Variants in BCAS3 observed in about 807,000 individuals in gnomAD.
The protein encoded by BCAS3 is BCAS3 microtubule associated cell migration factor.
In BCAS3, 53 loss-of-function variants were observed where a neutral mutation model predicts 116.1. The observed-to-expected ratio is 0.46, with a 90% CI of 0.37 to 0.57. BCAS3 has a LOEUF of 0.57. BCAS3 is among the 20% of genes least tolerant of loss of function. The pLI is 0.00. For missense variants in BCAS3, 917 were observed against 1,165.4 expected (o/e 0.79, Z 3.10); for synonymous variants, 391 against 408.2 (o/e 0.96, Z 0.51).
At chr17:60,773,390 C>A (rs1004495313) in intron 6 of BCAS3, among the ~76,000 whole-genome samples, 1 of 149,286 alleles carries the variant, frequency 6.7e-6, no homozygotes, top group African/African-American at 2.5e-5. Context: ...CTCCCAGGCT[C>A]GGGCAGTCCT....
At chr17:61,263,712 C>T (rs2049422494) in intron 22 of BCAS3, among the ~76,000 whole-genome samples, 2 of 152,148 alleles carry the variant, frequency 1.3e-5, no homozygotes, top group African/African-American at 4.8e-5. Flanking sequence ...CAATTTCTTT[C>T]CTGCCAGATA....
At chr17:60,696,717 C>CT (rs1209544777) in intron 4 of BCAS3, 1 of 152,256 alleles carries the variant, frequency 6.6e-6, no homozygotes, top group Non-Finnish European at 1.5e-5. Flanking sequence ...GCCTCAAACT[C>CT]TGATTTCTTT....
At position 61,208,417 on chromosome 17, in the gene BCAS3, C is replaced by T. The variant is rs2081270692; in HGVS notation, c.2425+123853C>T. ...ATTATTAATGATTAATCTTGAAGCA[C>T]CGAAGAAATGAAATGTGCTAGTAAG... On this transcript the variant is annotated intron_variant, in intron 22 of 23. Coordinates refer to ENST00000407086, the MANE Select transcript of BCAS3 (RefSeq NM_017679.5). The surrounding 1 kb of genome is among the most constrained non-coding windows in gnomAD (Gnocchi z 4.5). Among the ~76,000 whole-genome samples, 1 of 152,102 alleles carries T rather than the reference C, an allele frequency of 6.6e-6. No homozygotes were observed. Among genetic ancestry groups the T allele is most frequent in the Admixed American group, 6.5e-5 (1 of 15,274 alleles).
chr17:61,231,653 G>C (rs1441697447), intron 22 of BCAS3, among the ~76,000 whole-genome samples: 2 of 152,052 alleles, frequency 1.3e-5, no homozygotes, highest in African/African-American at 4.8e-5. Flanking sequence ...GAGGCAGGAA[G>C]ACAGCTTGAG....
At chr17:60,790,982 T>C (rs1277443762) in intron 6 of BCAS3, among the ~76,000 whole-genome samples, 1 of 152,122 alleles carries the variant, frequency 6.6e-6, no homozygotes, top group Admixed American at 6.5e-5. Flanking sequence ...CCTCAGGTGA[T>C]CCACCTGCCT....
chr17:60,958,874 T>G (rs2061275470), intron 14 of BCAS3, among the ~76,000 whole-genome samples: 1 of 152,184 alleles, frequency 6.6e-6, no homozygotes, highest in South Asian at 2.1e-4. Context: ...GGTGCAAAGA[T>G]ACAAAGTGGA....
intron 9 of BCAS3, among the ~76,000 whole-genome samples, chr17:60,889,118 C>T (rs1599460960): frequency 1.3e-5 from 2 of 152,198 alleles, no homozygotes; most frequent in African/African-American, 2.4e-5. Flanking sequence ...TTGGCTAGAA[C>T]TGCAAGCAAG....
intron 7 of BCAS3, chr17:60,811,494 C>A (rs1598877835): frequency 1.3e-5 from 6 of 454,314 alleles, no homozygotes; most frequent in South Asian, 1.9e-5. Flanking sequence ...TTTGGGGAGC[C>A]AGGAGGCCAA....
intron 22 of BCAS3, among the ~76,000 whole-genome samples, chr17:61,113,008 A>G (rs906034218): frequency 1.2e-5 from 1 of 84,774 alleles, no homozygotes; most frequent in African/African-American, 3.0e-5. Flanking sequence ...AACGAAATGA[A>G]GGCAGAAATA....
At chr17:61,184,968 G>C (rs994117222) in intron 22 of BCAS3, among the ~76,000 whole-genome samples, 1 of 151,978 alleles carries the variant, frequency 6.6e-6, no homozygotes, top group Non-Finnish European at 1.5e-5. Context: ...GAGGGATAAG[G>C]GGACTTTTTG....
chr17:61,070,496 G>A (rs1568283276), intron 19 of BCAS3: 1 of 173,514 alleles, frequency 5.8e-6, no homozygotes, highest in Admixed American at 6.4e-5. Context: ...TGAATGTATA[G>A]TTCTATTTGT....
chr17:61,108,054 T>C (rs552926580), intron 22 of BCAS3, among the ~76,000 whole-genome samples: 24 of 152,260 alleles, frequency 1.6e-4, no homozygotes, highest in Admixed American at 1.4e-3. Context: ...TGTCTATTTC[T>C]TCCTTCAGTT....
chr17:60,935,642 T>C (rs921758706), intron 13 of BCAS3, among the ~76,000 whole-genome samples: 1 of 152,222 alleles, frequency 6.6e-6, no homozygotes, highest in Non-Finnish European at 1.5e-5. Context: ...TATGCTCATA[T>C]ACCCAAAATG....
chr17:60,810,341 G>A, intron 7 of BCAS3: 1 of 443,780 alleles, frequency 2.3e-6, no homozygotes, highest in Non-Finnish European at 4.3e-6. Context: ...GGTGGCATGG[G>A]GTCCAGGGGC....
chr17:60,790,740 GT>G (rs541425777), intron 6 of BCAS3, among the ~76,000 whole-genome samples: 1,490 of 118,904 alleles, frequency 0.013, 1 homozygote, highest in Middle Eastern at 0.036. Context: ...GTGTTTGTAG[GT>G]TTTTTTTTTT....
chr17:60,982,354 T>A (rs573996186), intron 14 of BCAS3, among the ~76,000 whole-genome samples: 1 of 152,322 alleles, frequency 6.6e-6, no homozygotes, highest in Non-Finnish European at 1.5e-5. Flanking sequence ...TTGCCCAAGC[T>A]AGAGTACAGT....
intron 22 of BCAS3, among the ~76,000 whole-genome samples, chr17:61,353,040 G>T (rs145110383): frequency 6.6e-6 from 1 of 152,170 alleles, no homozygotes; most frequent in Non-Finnish European, 1.5e-5. Context: ...CTCATGGGGT[G>T]GGGAGAGGGA....
At chr17:60,795,249 A>G (rs2047112056) in intron 6 of BCAS3, among the ~76,000 whole-genome samples, 1 of 151,984 alleles carries the variant, frequency 6.6e-6, no homozygotes, top group Admixed American at 6.6e-5. Flanking sequence ...AGAACTACTG[A>G]TTTGTGTATA....
intron 15 of BCAS3, among the ~76,000 whole-genome samples, chr17:61,015,069 A>G (rs2065360198): frequency 6.6e-6 from 1 of 152,148 alleles, no homozygotes; most frequent in Admixed American, 6.5e-5. Context: ...CCACAAATTG[A>G]TCTCCAGATT....
Sources: gnomAD v4.1 joint callset for allele counts (sites outside exome capture counted in the v4.1 genomes callset) on GRCh38, gnomAD v4.1.1 for gene constraint, Gnocchi (gnomAD v3.1) non-coding constraint, MANE v1.5 for transcripts, NCBI Gene and HGNC (gene_info 2026-07-23, HGNC 2026-07-21) for gene names.